Variants in PTN observed in about 807,000 individuals in gnomAD.
PTN encodes the protein pleiotrophin, also known as heparin affin regulatory protein.
PTN carries 18 observed loss-of-function variants against 24.1 expected under a neutral mutation model. The ratio of observed to expected loss-of-function variants is 0.75; its 90% confidence interval spans 0.52 to 1.11. The LOEUF (loss-of-function observed/expected upper bound fraction) is 1.11, where lower values mean the gene tolerates loss of function less well. Among genes scored for constraint, PTN ranks in the 50% least tolerant of loss-of-function variants. The pLI is 0.00. For synonymous variants in PTN, 78 were observed against 68.6 expected, an observed-to-expected ratio of 1.14 and a Z score of -0.67; for missense variants, 163 against 198.8, an observed-to-expected ratio of 0.82 and a Z score of 1.08.
At chr7:137,233,192 T>C (rs567292100) in intron 4 of PTN, among the ~76,000 whole-genome samples, 4 of 151,836 alleles carry the variant, frequency 2.6e-5, no homozygotes, top group Non-Finnish European at 5.9e-5. Flanking sequence ...TTAGGTACGG[T>C]GAGACAATGA....
At chr7:137,228,320 T>A (rs562572398) in intron 4 of PTN, among the ~76,000 whole-genome samples, 1 of 151,860 alleles carries the variant, frequency 6.6e-6, no homozygotes, top group African/African-American at 2.4e-5. Context: ...AGGAGGAACA[T>A]AGCCTGCTTC....
chr7:137,307,215 C>T (rs1349249912), intron 1 of PTN, among the ~76,000 whole-genome samples: 1 of 152,004 alleles, frequency 6.6e-6, no homozygotes, highest in Non-Finnish European at 1.5e-5. Context: ...CTTGTCCCTC[C>T]TCATTGACTC....
intron 1 of PTN, among the ~76,000 whole-genome samples, chr7:137,277,746 T>G (rs1308704781): frequency 6.6e-6 from 1 of 152,066 alleles, no homozygotes; most frequent in East Asian, 1.9e-4. Flanking sequence ...ATTTTTCTAT[T>G]TTTCATATAG....
chr7:137,335,708 G>T (rs1215216416), intron 1 of PTN, among the ~76,000 whole-genome samples: 1 of 152,080 alleles, frequency 6.6e-6, no homozygotes, highest in Non-Finnish European at 1.5e-5. Flanking sequence ...AAAGACCCTG[G>T]GTGACTGGTA....
intron 1 of PTN, among the ~76,000 whole-genome samples, chr7:137,267,397 TG>T (rs1458733480): frequency 2.0e-5 from 3 of 150,584 alleles, no homozygotes; most frequent in South Asian, 2.1e-4. Context: ...TAACTACTGT[TG>T]GGGGGAAGGG....
At chr7:137,320,717 G>C (rs1248165046) in intron 1 of PTN, among the ~76,000 whole-genome samples, 2 of 151,992 alleles carry the variant, frequency 1.3e-5, no homozygotes, top group Admixed American at 6.6e-5. Flanking sequence ...TTTTTTCCAA[G>C]TTTGCATTAT....
chr7:137,277,687 A>C (rs1809384243), intron 1 of PTN, among the ~76,000 whole-genome samples: 1 of 152,056 alleles, frequency 6.6e-6, no homozygotes, highest in Admixed American at 6.6e-5. Context: ...CTCCTACCTC[A>C]GCCTCTCAAG....
intron 1 of PTN, among the ~76,000 whole-genome samples, chr7:137,310,985 A>C (rs1030181546): frequency 1.3e-5 from 2 of 152,142 alleles, no homozygotes; most frequent in Non-Finnish European, 2.9e-5. Context: ...TAATCCCAGC[A>C]CCTTGGGAGG....
intron 1 of PTN, among the ~76,000 whole-genome samples, chr7:137,286,735 G>A (rs1277493699): frequency 2.0e-5 from 3 of 152,084 alleles, no homozygotes; most frequent in Admixed American, 6.6e-5. Context: ...TAAATATTTG[G>A]AAGAATAGTT....
intron 1 of PTN, among the ~76,000 whole-genome samples, chr7:137,292,927 T>A (rs1197754199): frequency 6.6e-6 from 1 of 152,142 alleles, no homozygotes; most frequent in East Asian, 1.9e-4. Context: ...AAATGTGAAA[T>A]AACACAGTAT....
At chr7:137,293,708 G>T (rs559350590) in intron 1 of PTN, among the ~76,000 whole-genome samples, 1 of 152,164 alleles carries the variant, frequency 6.6e-6, no homozygotes, top group South Asian at 2.1e-4. Flanking sequence ...CGCCGCACAT[G>T]CATAACCTCC....
intron 1 of PTN, among the ~76,000 whole-genome samples, chr7:137,282,722 TAA>T (rs1242717494): frequency 5.9e-5 from 9 of 152,230 alleles, no homozygotes; most frequent in South Asian, 2.1e-4. Context: ...TTGCTGTATT[TAA>T]AAGTCATCTT....
intron 1 of PTN, among the ~76,000 whole-genome samples, chr7:137,256,261 A>G (rs189406417): frequency 5.9e-5 from 9 of 152,266 alleles, no homozygotes; most frequent in African/African-American, 1.9e-4. Context: ...ACAGGTATAC[A>G]TGTGCCATGA....
intron 4 of PTN, among the ~76,000 whole-genome samples, chr7:137,232,220 T>C (rs942297660): frequency 6.6e-6 from 1 of 151,960 alleles, no homozygotes; most frequent in Non-Finnish European, 1.5e-5. Context: ...GAATGAGCCA[T>C]TGTCAACATG....
intron 4 of PTN, among the ~76,000 whole-genome samples, chr7:137,241,959 A>G (rs945351953): frequency 1.3e-5 from 2 of 152,134 alleles, no homozygotes; most frequent in East Asian, 3.9e-4. Flanking sequence ...CTCTCAACAC[A>G]GTTAAAAGTC....
chr7:137,239,407 T>TTAA (rs1554461145), intron 4 of PTN, among the ~76,000 whole-genome samples: 1 of 143,090 alleles, frequency 7.0e-6, no homozygotes, highest in African/African-American at 2.5e-5. Flanking sequence ...TATTTATTTA[T>TTAA]TTATTATTAT....
intron 2 of PTN, 31 bp from the exon 3 acceptor site, chr7:137,253,668 T>A (rs1356787515): frequency 6.8e-7 from 1 of 1,474,512 alleles, no homozygotes. Flanking sequence ...CTAATCAACA[T>A]ACAGAAAACT....
rs201958544 is a variant in PTN, at chr7:137,283,872, CAT to C, written c.-1-28900_-1-28899del. Among the ~76,000 whole-genome samples the C allele has an allele frequency of 1.7e-3, 250 of 150,034 alleles. 1 individual carries two copies. The highest frequency in any genetic ancestry group is 6.0e-3 in the African/African-American group (244 of 40,820). On this transcript the variant is annotated intron_variant, in intron 1 of 4. Coordinates refer to ENST00000348225, the MANE Select transcript of PTN (RefSeq NM_002825.7). ...TTTCACCATCCTCCTCCCTCATACACATAGTCCTACTCAATCTCCTTCTACCT... is the reference window on the plus strand; with the variant it reads ...TTTCACCATCCTCCTCCCTCATACACAGTCCTACTCAATCTCCTTCTACCT...
rs753634791 is a variant in PTN at position 137,318,133 on chromosome 7, C to T, written c.-2+25306G>A. Among the ~76,000 whole-genome samples, 6 of 152,190 alleles carry T rather than the reference C, an allele frequency of 3.9e-5. No individual in the cohort carries two copies. In the East Asian group the frequency reaches 5.8e-4, roughly 15 times the overall value. ...AATAAAAAAAATCAGCCAGGCATGG[C>T]GGCACATGCCTGTAATCCCAGCTAC... On this transcript the variant is annotated intron_variant, in intron 1 of 4. Coordinates refer to ENST00000348225, the MANE Select transcript of PTN (RefSeq NM_002825.7).
Sources: allele counts gnomAD v4.1 joint callset (sites outside exome capture counted in the v4.1 genomes callset), GRCh38; gene constraint gnomAD v4.1.1; transcripts MANE v1.5; gene names NCBI Gene and HGNC (gene_info 2026-07-23, HGNC 2026-07-21).